The following POU6F2 variants were observed in gnomAD, a reference collection of about 807,000 sequenced individuals.
The protein encoded by POU6F2 is POU class 6 homeobox 2.
Under a neutral mutation model 71.3 loss-of-function variants are expected in POU6F2, and 31 were observed. The ratio of observed to expected loss-of-function variants is 0.43; its 90% CI spans 0.33 to 0.59. The LOEUF is 0.59. Ranked by LOEUF, POU6F2 falls within the 20% of genes least tolerant of loss-of-function variation. The probability of loss-of-function intolerance (pLI) is 0.04; values close to 1 mark genes in which losing one functional copy is unlikely to be tolerated. For synonymous variants in POU6F2, 347 were observed against 355.7 expected, an observed-to-expected ratio of 0.98 and a Z score of 0.27; for missense variants, 783 against 856.8, an observed-to-expected ratio of 0.91 and a Z score of 1.07.
intron 2 of POU6F2, among the ~76,000 whole-genome samples, chr7:39,095,377 C>T (rs1024669967): frequency 1.3e-5 from 2 of 152,232 alleles, no homozygotes; most frequent in African/African-American, 4.8e-5. Flanking sequence ...TGCAGGCCAT[C>T]AGAAAAGTGT....
At chr7:39,421,108 G>A (rs1187764337) in intron 6 of POU6F2, among the ~76,000 whole-genome samples, 1 of 152,050 alleles carries the variant, frequency 6.6e-6, no homozygotes, top group Non-Finnish European at 1.5e-5. Context: ...TAGGGATAAG[G>A]CTGCAGATTG....
At chr7:39,016,603 A>G (rs966212860) in intron 1 of POU6F2, among the ~76,000 whole-genome samples, 5 of 152,188 alleles carry the variant, frequency 3.3e-5, no homozygotes, top group African/African-American at 7.2e-5. Context: ...ACCAAAGTCA[A>G]ATATTTATAT....
chr7:39,057,686 A>G (rs749566389), intron 1 of POU6F2, among the ~76,000 whole-genome samples: 1 of 152,018 alleles, frequency 6.6e-6, no homozygotes, highest in Non-Finnish European at 1.5e-5. Context: ...TTTTAATTCT[A>G]TTTTTGTAGT....
chr7:39,425,114 A>T (rs552785924), intron 6 of POU6F2, among the ~76,000 whole-genome samples: 1 of 152,204 alleles, frequency 6.6e-6, no homozygotes, highest in East Asian at 1.9e-4. Flanking sequence ...TATGCAAATT[A>T]TTCCCATAAA....
intron 5 of POU6F2, among the ~76,000 whole-genome samples, chr7:39,367,338 A>G (rs1268172674): frequency 1.3e-5 from 2 of 152,212 alleles, no homozygotes; most frequent in South Asian, 2.1e-4. Flanking sequence ...AATAAACACA[A>G]TTTTAAAATC....
chr7:39,336,994 G>A (rs12533451), intron 4 of POU6F2, among the ~76,000 whole-genome samples: 1 of 151,950 alleles, frequency 6.6e-6, no homozygotes, highest in Admixed American at 6.5e-5. Context: ...GACTTTTCTT[G>A]TGTAAATCCC....
chr7:39,165,400 A>G (rs1446722407), intron 2 of POU6F2, among the ~76,000 whole-genome samples: 1 of 152,216 alleles, frequency 6.6e-6, no homozygotes, highest in Non-Finnish European at 1.5e-5. Context: ...GATGCCTTAC[A>G]TGAGTCCCTG....
At chr7:39,201,649 T>C (rs1793905068) in intron 2 of POU6F2, among the ~76,000 whole-genome samples, 1 of 152,230 alleles carries the variant, frequency 6.6e-6, no homozygotes, top group African/African-American at 2.4e-5. Context: ...GTCTCAGAGA[T>C]GTAACATGTT....
intron 4 of POU6F2, among the ~76,000 whole-genome samples, chr7:39,308,851 C>A (rs1156372880): frequency 2.6e-5 from 4 of 152,208 alleles, no homozygotes; most frequent in African/African-American, 4.8e-5. Context: ...CACTTCCTTC[C>A]CCCTGCGGGT....
intron 5 of POU6F2, among the ~76,000 whole-genome samples, chr7:39,343,339 TATAGACTGTGTTTG>T (rs1288085934): frequency 2.0e-5 from 3 of 150,190 alleles, no homozygotes; most frequent in African/African-American, 7.4e-5. Flanking sequence ...AAACTAAAAA[TATAGACTGTGTTTG>T]ATAGAAGCAG....
At chr7:39,097,863 T>C (rs919935603) in intron 2 of POU6F2, among the ~76,000 whole-genome samples, 15 of 152,232 alleles carry the variant, frequency 9.9e-5, no homozygotes, top group African/African-American at 3.1e-4. Flanking sequence ...TACTTGATCA[T>C]TTCTGGTAGC....
Position 39,465,169 on chromosome 7 carries a change from C to T in POU6F2, c.*483C>T, listed in dbSNP as rs1352524788. On this transcript the variant is annotated 3_prime_UTR_variant, in exon 10 of 10. Transcript: ENST00000518318. Reference sequence around the variant, plus strand: ...CTGCCACCTGGAGGAAGGACTGCACCCCTTCAGGTACTAAGTGCTGATTCA... The same window carrying T: ...CTGCCACCTGGAGGAAGGACTGCACTCCTTCAGGTACTAAGTGCTGATTCA... The T allele has an allele frequency of 6.4e-6, 1 of 155,986 alleles. No homozygotes were observed. The highest frequency in any genetic ancestry group is 1.4e-5 in the Non-Finnish European group (1 of 70,368). The allele number at this position is 155,986 out of a possible 1,614,324, so 9.7% of individuals were successfully genotyped here. A position where few individuals can be genotyped will look rare whatever the true frequency, so the allele number is the denominator to read the frequency against.
intron 4 of POU6F2, among the ~76,000 whole-genome samples, chr7:39,297,505 A>T (rs1003617968): frequency 2.6e-5 from 4 of 152,108 alleles, no homozygotes; most frequent in Non-Finnish European, 5.9e-5. Flanking sequence ...AAGTAGGGAA[A>T]CCGGAAATCT....
intron 8 of POU6F2, among the ~76,000 whole-genome samples, chr7:39,458,728 C>T (rs539422883): frequency 2.0e-5 from 3 of 152,252 alleles, no homozygotes; most frequent in Admixed American, 2.0e-4. Flanking sequence ...ACCCCTGCCC[C>T]GCCCGAGCTC....
chr7:39,130,148 GT>G lies in POU6F2; in HGVS notation c.277+44118del, dbSNP rs1475746003. On this transcript the variant is annotated intron_variant, in intron 2 of 9. Transcript: ENST00000518318. ...TTTTTTAAAGTAAAGAAAGGGGTAG[GT>G]GTGTGTGTGTGTGTGTGTGTGTGTG... Among the ~76,000 whole-genome samples the G allele has an allele frequency of 3.8e-3, 37 of 9,862 alleles. No homozygotes were observed. In the East Asian group the frequency reaches 0.32, roughly 86 times the overall value. 6.5% of individuals were successfully genotyped at this position (9,862 alleles called of 152,430 possible).
chr7:39,197,144 C>A (rs1286382226), intron 2 of POU6F2, among the ~76,000 whole-genome samples: 3 of 152,194 alleles, frequency 2.0e-5, no homozygotes, highest in Non-Finnish European at 4.4e-5. Context: ...CCTCACCTCC[C>A]CAGGACAGGA....
intron 4 of POU6F2, among the ~76,000 whole-genome samples, chr7:39,211,685 C>G (rs1486286341): frequency 6.6e-6 from 1 of 152,162 alleles, no homozygotes; most frequent in East Asian, 1.9e-4. Context: ...ATCCTAGGAA[C>G]AGCCCTGTAA....
At chr7:39,081,760 A>T (rs772614697) in intron 1 of POU6F2, among the ~76,000 whole-genome samples, 2 of 152,232 alleles carry the variant, frequency 1.3e-5, no homozygotes, top group African/African-American at 4.8e-5. Context: ...GGACTAGGTT[A>T]TCCAGGCTTT....
intron 1 of POU6F2, among the ~76,000 whole-genome samples, chr7:39,040,936 T>A (rs1218343502): frequency 6.6e-6 from 1 of 151,924 alleles, no homozygotes. Flanking sequence ...CAGACTTTTT[T>A]AAAAATGAAA....
Sources: gnomAD v4.1 joint callset for allele counts (sites outside exome capture counted in the v4.1 genomes callset) on GRCh38, gnomAD v4.1.1 for gene constraint, MANE v1.5 for transcripts, NCBI Gene and HGNC (gene_info 2026-07-23, HGNC 2026-07-21) for gene names.